The following STARD8 variants were observed in gnomAD, a reference collection of about 807,000 sequenced individuals.
STARD8 encodes StAR related lipid transfer domain containing 8.
Under a neutral mutation model 69.4 loss-of-function variants are expected in STARD8, and 25 were observed. The observed-to-expected ratio is 0.36, with a 90% CI of 0.26 to 0.50. STARD8 has a LOEUF of 0.50. STARD8 is among the 20% of genes least tolerant of loss of function. The pLI, the probability that STARD8 is intolerant of heterozygous loss-of-function variation, is 0.96. For synonymous variants in STARD8, 389 were observed against 374.6 expected (o/e 1.04, Z -0.45); for missense variants, 921 against 932.5 (o/e 0.99, Z 0.16).
At chrX:68,683,290 C>G (rs2079811774) in intron 2 of STARD8, among the ~76,000 whole-genome samples, 1 of 112,594 alleles carries the variant, frequency 8.9e-6, no homozygotes, top group Admixed American at 9.3e-5. Flanking sequence ...ACAGTCCAAA[C>G]TGTATGACCT....
At chrX:68,664,504 G>T (rs1252649887) in intron 1 of STARD8, among the ~76,000 whole-genome samples, 1 of 111,559 alleles carries the variant, frequency 9.0e-6, no homozygotes, top group Non-Finnish European at 1.9e-5. Context: ...TCATAATTTG[G>T]CCTTCGTTTC....
chrX:68,718,664 G>T (rs2080120333), intron 6 of STARD8, 35 bp downstream of exon 6: 1 of 1,143,405 alleles, frequency 8.7e-7, no homozygotes, highest in African/African-American at 1.8e-5. Context: ...CGGACGCAGG[G>T]TCTCCTGTTC....
chrX:68,654,525 C>G (rs1391565475), intron 1 of STARD8, among the ~76,000 whole-genome samples: 1 of 111,624 alleles, frequency 9.0e-6, no homozygotes, highest in Non-Finnish European at 1.9e-5. Flanking sequence ...GCACCATACT[C>G]ACATACTTAG....
chrX:68,687,880 A>T (rs778084889), intron 2 of STARD8, among the ~76,000 whole-genome samples: 2 of 112,023 alleles, frequency 1.8e-5, no homozygotes, highest in South Asian at 7.5e-4. Flanking sequence ...CCTGCCTGGG[A>T]TGGGCGTTCT....
At chrX:68,648,240 G>C (rs2079527051) in intron 1 of STARD8, among the ~76,000 whole-genome samples, 1 of 112,083 alleles carries the variant, frequency 8.9e-6, no homozygotes, top group Non-Finnish European at 1.9e-5. Flanking sequence ...CTCAGCTTTA[G>C]AATGAGGACC....
chrX:68,723,553 C>G (rs1569375792), intron 12 of STARD8, 73 bp from the exon 13 acceptor site: 1 of 941,105 alleles, frequency 1.1e-6, no homozygotes. Flanking sequence ...CAGTTTGAGG[C>G]CTGGACTTAG....
chrX:68,704,627 T>A (rs2079991671), intron 2 of STARD8, among the ~76,000 whole-genome samples: 2 of 111,717 alleles, frequency 1.8e-5, no homozygotes, highest in Non-Finnish European at 3.8e-5. Flanking sequence ...AGAGCAAGGA[T>A]GACTTGAGGT....
At chrX:68,690,435 G>A (rs867562319) in intron 2 of STARD8, among the ~76,000 whole-genome samples, 4 of 106,977 alleles carry the variant, frequency 3.7e-5, no homozygotes, top group East Asian at 2.9e-4. Flanking sequence ...GGCAGGCAGG[G>A]CGGGGGGACT....
At position 68,717,343 on chromosome X, in the gene STARD8, C is replaced by T. The variant is rs137983170; in HGVS notation, c.429C>T (p.Thr143=). The part of the protein sequence containing the change: ...LAPPSPGLPA[T]SSCESVLTEL... Reference sequence around the variant, plus strand: ...CACCGAGCCCTGGCCTGCCAGCGACCTCAAGCTGTGAGAGCGTCCTCACCG... The same window carrying T: ...CACCGAGCCCTGGCCTGCCAGCGACTTCAAGCTGTGAGAGCGTCCTCACCG... The change falls in exon 6 of 15, where the codon ACC becomes ACT. Residue 143 remains threonine (T), a synonymous_variant. Transcript: ENST00000374599. The T allele has an allele frequency of 1.5e-4, 183 of 1,205,915 alleles. No homozygotes were observed. Among genetic ancestry groups the T allele is most frequent in the African/African-American group, 1.0e-3 (59 of 56,612 alleles).
At chrX:68,653,411 A>C (rs1303063025) in intron 1 of STARD8, among the ~76,000 whole-genome samples, 6 of 39,227 alleles carry the variant, frequency 1.5e-4, no homozygotes, top group East Asian at 9.5e-4. Context: ...CACCACACAC[A>C]CCACACCACA....
intron 1 of STARD8, among the ~76,000 whole-genome samples, chrX:68,657,598 C>T (rs772222760): frequency 1.8e-5 from 2 of 112,027 alleles, no homozygotes; most frequent in East Asian, 5.6e-4. Context: ...AATCTAGAAC[C>T]TGTGATTGGC....
intron 2 of STARD8, among the ~76,000 whole-genome samples, chrX:68,708,931 C>T (rs2080028944): frequency 9.0e-6 from 1 of 111,347 alleles, no homozygotes; most frequent in Non-Finnish European, 1.9e-5. Flanking sequence ...GGGCTTCAGC[C>T]CCAGGTGAAT....
intron 2 of STARD8, among the ~76,000 whole-genome samples, chrX:68,694,102 G>A (rs1371394909): frequency 1.8e-5 from 2 of 113,081 alleles, no homozygotes; most frequent in African/African-American, 6.4e-5. Context: ...GCAGCTGTCC[G>A]CCTGTTACCG....
In STARD8 at chrX:68,722,408, G is replaced by A. The variant is rs1473940166; in HGVS notation, c.2575-14G>A. 5.1e-6 allele frequency: 6 copies of A among 1,178,835 alleles called. No homozygotes were observed. The highest frequency in any genetic ancestry group is 1.8e-5 in the African/African-American group (1 of 57,082). On this transcript the variant is annotated splice_polypyrimidine_tract_variant and intron_variant, in intron 11 of 14. Transcript: ENST00000374599. ...TCTCTGGAGCTGCAGCCCATTGTGT[G>A]TGTGCCCTCTCAGGTGCCCCAGGAC...
rs766022125 is a variant in STARD8, at chrX:68,722,608, G to A, written c.2761G>A (p.Val921Met). ...AAERFKGWMS[V>M]PGPQHTELAC... ...TGAGCGCTTCAAGGGCTGGATGAGC[G>A]TGCCAGGGCCCCAGCACACGGAGCT... Residue 921 changes from valine to methionine, a missense_variant, in exon 12 of 15, where the codon GTG becomes ATG. Physicochemically the swap from Val to Met is conservative, Grantham distance 21. Coordinates refer to ENST00000374599, the MANE Select transcript of STARD8 (RefSeq NM_001142503.3). 2.1e-5 allele frequency: 26 copies of A among 1,210,560 alleles called. No individual in the cohort carries two copies. Among genetic ancestry groups the A allele is most frequent in the East Asian group, 8.9e-5 (3 of 33,755 alleles).
At chrX:68,719,475 G>A in intron 7 of STARD8, 77 bp downstream of exon 7, 3 of 1,045,194 alleles carry the variant, frequency 2.9e-6, no homozygotes, top group Non-Finnish European at 2.5e-6. Context: ...CAGCCCAGGA[G>A]GTGGGTGCAG....
intron 2 of STARD8, among the ~76,000 whole-genome samples, chrX:68,702,138 C>T (rs2079971147): frequency 8.9e-6 from 1 of 112,550 alleles, no homozygotes; most frequent in Non-Finnish European, 1.9e-5. Context: ...ATGGGCCTGG[C>T]AGCAGCTCTG....
intron 2 of STARD8, among the ~76,000 whole-genome samples, chrX:68,688,133 G>A (rs971347803): frequency 1.8e-5 from 2 of 112,533 alleles, no homozygotes; most frequent in Non-Finnish European, 3.8e-5. Context: ...GGGGAAAGGG[G>A]GGAGCTGTGC....
In STARD8 at chrX:68,722,425, C is replaced by T. The variant is rs2147940904; in HGVS notation, c.2578C>T (p.Pro860Ser). 1.7e-6 allele frequency: 2 copies of T among 1,195,688 alleles called. No individual in the cohort carries two copies. The highest frequency in any genetic ancestry group is 3.0e-5 in the East Asian group (1 of 33,122). The change falls in exon 12 of 15, where the codon CCC becomes TCC. Residue 860 changes from proline (P) to serine (S), a missense_variant. Transcript: ENST00000374599. ...ISDCKKLFQVPQDMVLQLCSS... is the reference protein window; with the variant it reads ...ISDCKKLFQVSQDMVLQLCSS... ...CATTGTGTGTGTGCCCTCTCAGGTGCCCCAGGACATGGTGCTGCAGCTGTG... is the reference window on the plus strand; with the variant it reads ...CATTGTGTGTGTGCCCTCTCAGGTGTCCCAGGACATGGTGCTGCAGCTGTG...
Sources: gnomAD v4.1 joint callset for allele counts (sites outside exome capture counted in the v4.1 genomes callset) on GRCh38, gnomAD v4.1.1 for gene constraint, MANE v1.5 for transcripts, NCBI Gene and HGNC (gene_info 2026-07-23, HGNC 2026-07-21) for gene names.